The following EML6 variants were observed in gnomAD, a reference collection of about 807,000 sequenced individuals.
EML6 encodes the protein echinoderm microtubule-associated protein-like 6.
EML6 carries 154 observed loss-of-function variants against 240.1 expected under a neutral mutation model. That is an observed-to-expected ratio of 0.64 (90% CI 0.56 to 0.73). The LOEUF (loss-of-function observed/expected upper bound fraction) is 0.73, where lower values mean the gene tolerates loss of function less well. EML6 is among the 30% of genes least tolerant of loss of function. EML6 has a pLI of 0.00. For missense variants in EML6, 2,964 were observed against 2,474.6 expected, an observed-to-expected ratio of 1.20 and a Z score of -4.20; for synonymous variants, 1,148 against 899.0, an observed-to-expected ratio of 1.28 and a Z score of -4.95.
chr2:54,913,250 T>A (rs991231055), intron 25 of EML6, among the ~76,000 whole-genome samples: 2 of 151,878 alleles, frequency 1.3e-5, no homozygotes, highest in Admixed American at 1.3e-4. Flanking sequence ...CCACTTTTTT[T>A]TTTTTTAAGA....
intron 2 of EML6, among the ~76,000 whole-genome samples, chr2:54,776,523 A>G (rs2032275421): frequency 6.6e-6 from 1 of 152,028 alleles, no homozygotes; most frequent in Admixed American, 6.5e-5. Context: ...ATTTTCTAAT[A>G]TTGCTTATTT....
intron 25 of EML6, among the ~76,000 whole-genome samples, chr2:54,915,926 C>G (rs145810364): frequency 6.6e-5 from 10 of 152,186 alleles, no homozygotes; most frequent in African/African-American, 2.2e-4. Context: ...TCCCAGAAAG[C>G]CATAATGTTG....
At chr2:54,750,339 G>A (rs921134754) in intron 2 of EML6, among the ~76,000 whole-genome samples, 57 of 152,284 alleles carry the variant, frequency 3.7e-4, no homozygotes, top group African/African-American at 1.3e-3. Flanking sequence ...CCAGTCTACA[G>A]CATTAGGTTG....
chr2:54,837,118 C>G (rs1255222484), intron 7 of EML6, among the ~76,000 whole-genome samples: 1 of 152,110 alleles, frequency 6.6e-6, no homozygotes, highest in Non-Finnish European at 1.5e-5. Flanking sequence ...CTTTTAACCT[C>G]TTGCACTCAA....
intron 17 of EML6, chr2:54,882,873 A>AAAAAAAAAAAAAAAAAAAAAAAAAAAGAG (rs796515025): frequency 1.8e-5 from 2 of 112,354 alleles, no homozygotes; most frequent in Non-Finnish European, 3.8e-5. Flanking sequence ...AAAAAAAAAA[A>AAAAAAAAAAAAAAAAAAAAAAAAAAAGAG]AGAAAGCTTA....
In EML6 at chr2:54,957,940, T is replaced by A. The variant is rs1413361601; in HGVS notation, c.4637T>A (p.Val1546Asp). The change falls in exon 33 of 42, where the codon GTC becomes GAC. Residue 1546 changes from valine to aspartate, a missense_variant. Val to Asp is a radical substitution (Grantham distance 152). Coordinates refer to ENST00000356458, the MANE Select transcript of EML6 (RefSeq NM_001039753.4). ...AGCGCCTTGCTTTACAAGAAAGGGG[T>A]CATCGGGTCCCTGGGAGCTGCCAAA... Reference protein sequence around the residue: ...AGSALLYKKGVIGSLGAAKMQ... With the variant: ...AGSALLYKKGDIGSLGAAKMQ... 1.2e-5 allele frequency: 19 copies of A among 1,551,452 alleles called. No homozygotes were observed. The highest frequency in any genetic ancestry group is 1.7e-5 in the Non-Finnish European group (19 of 1,146,972).
chr2:54,906,666 A>G (rs1673343983), intron 24 of EML6, among the ~76,000 whole-genome samples: 2 of 152,128 alleles, frequency 1.3e-5, no homozygotes, highest in Admixed American at 6.5e-5. Flanking sequence ...GACACTTCTG[A>G]TTTTTAGGGA....
At chr2:54,919,202 A>G (rs1269574139) in intron 26 of EML6, among the ~76,000 whole-genome samples, 1 of 146,644 alleles carries the variant, frequency 6.8e-6, no homozygotes, top group African/African-American at 2.6e-5. Flanking sequence ...ATGTGAAGCC[A>G]CCTGATTGAG....
At chr2:54,921,375 C>G (rs902953337) in intron 26 of EML6, among the ~76,000 whole-genome samples, 2 of 151,836 alleles carry the variant, frequency 1.3e-5, no homozygotes, top group African/African-American at 4.8e-5. Context: ...GCCAAGGAGG[C>G]GAAAGAACTG....
Position 54,774,488 on chromosome 2 carries a change from T to G in EML6, c.198-38744T>G, listed in dbSNP as rs1668517988. On this transcript the variant is annotated intron_variant, in intron 2 of 41. Coordinates refer to ENST00000356458, the MANE Select transcript of EML6 (RefSeq NM_001039753.4). This position sits in a 1 kb window ranked among gnomAD's most constrained non-coding sequence, Gnocchi z 4.1. ...CAACAGCACTACCAGCAACATATCC[T>G]TCATGGAAGGGGGTTCTGGATGGTT... 6.6e-6 allele frequency among the ~76,000 whole-genome samples: 1 copy of G among 152,170 alleles called. No individual in the cohort carries two copies.
chr2:54,800,238 T>A (rs1317214758), intron 2 of EML6, among the ~76,000 whole-genome samples: 3 of 152,196 alleles, frequency 2.0e-5, no homozygotes, highest in African/African-American at 7.2e-5. Context: ...ATGCAACCAT[T>A]TGATTTCTTA....
At position 54,774,940 on chromosome 2, in the gene EML6, C is replaced by T. The variant is rs1309321612; in HGVS notation, c.198-38292C>T. Among the ~76,000 whole-genome samples, 1 of 152,184 alleles carries T rather than the reference C, an allele frequency of 6.6e-6. No homozygotes were observed. Among genetic ancestry groups the T allele is most frequent in the Non-Finnish European group, 1.5e-5 (1 of 68,042 alleles). On this transcript the variant is annotated intron_variant, in intron 2 of 41. Transcript: ENST00000356458. This position sits in a 1 kb window ranked among gnomAD's most constrained non-coding sequence, Gnocchi z 4.1. ...AACATGTAAAATTCTGTATTGTTGA[C>T]ATTCATTACTTTTGTTAACAAATGT...
At chr2:54,756,922 A>T (rs1667758729) in intron 2 of EML6, among the ~76,000 whole-genome samples, 1 of 150,486 alleles carries the variant, frequency 6.6e-6, no homozygotes. Flanking sequence ...TAGTTTTGAG[A>T]CCTCCTGGAT....
At chr2:54,808,820 A>T (rs1670636969) in intron 2 of EML6, among the ~76,000 whole-genome samples, 1 of 152,154 alleles carries the variant, frequency 6.6e-6, no homozygotes, top group African/African-American at 2.4e-5. Context: ...ATCTTATCTG[A>T]CATCAGGAAG....
chr2:54,910,430 A>T (rs1673578403), intron 24 of EML6, among the ~76,000 whole-genome samples: 1 of 152,240 alleles, frequency 6.6e-6, no homozygotes, highest in African/African-American at 2.4e-5. Flanking sequence ...TCAAATGTTC[A>T]AGTAAGACCA....
Position 54,966,937 on chromosome 2 carries a change from C to T in EML6, c.5494-63C>T, listed in dbSNP as rs1043221727. On this transcript the variant is annotated intron_variant, in intron 38 of 41. Transcript: ENST00000356458. Reference sequence around the variant, plus strand: ...TGGGCAGTGTTCTGGGAAACTGTGCCCAAAGGGAGTCTGTGGGACTGAGAA... The same window carrying T: ...TGGGCAGTGTTCTGGGAAACTGTGCTCAAAGGGAGTCTGTGGGACTGAGAA... The T allele has an allele frequency of 9.1e-6, 10 of 1,100,294 alleles. No homozygotes were observed. The African/African-American group carries it at 1.6e-4, about 17-fold the overall frequency. The allele number at this position is 1,100,294 out of a possible 1,614,324, so 68.2% of individuals were successfully genotyped here.
At chr2:54,832,100 AT>A (rs1668901043) in intron 7 of EML6, among the ~76,000 whole-genome samples, 1 of 152,210 alleles carries the variant, frequency 6.6e-6, no homozygotes, top group Non-Finnish European at 1.5e-5. Context: ...ATCATCAAGC[AT>A]CAAAAGAGAT....
At position 54,723,719 on chromosome 2, in the gene EML6, T is replaced by TTCGC. The variant is rs1191670359; in HGVS notation, c.-563_-560dup. ...GGGGAGGGGAGGGCAGGCAGAGGATTTCGCTCGCTCGCCCGCGCGGGATCC... is the reference window on the plus strand; with the variant it reads ...GGGGAGGGGAGGGCAGGCAGAGGATTTCGCTCGCTCGCTCGCCCGCGCGGGATCC... On this transcript the variant is annotated 5_prime_UTR_variant, in exon 1 of 42. Transcript: ENST00000356458. 1 of 152,084 alleles carries TTCGC rather than the reference T, an allele frequency of 6.6e-6. No individual in the cohort carries two copies. The highest frequency in any genetic ancestry group is 2.4e-5 in the African/African-American group (1 of 41,368). 9.4% of individuals were successfully genotyped at this position (152,084 alleles called of 1,614,324 possible). A position where few individuals can be genotyped will look rare whatever the true frequency, so the allele number is the denominator to read the frequency against.
At chr2:54,866,070 A>G (rs1446252799) in intron 13 of EML6, among the ~76,000 whole-genome samples, 1 of 152,212 alleles carries the variant, frequency 6.6e-6, no homozygotes, top group Non-Finnish European at 1.5e-5. Flanking sequence ...TTTACAAATG[A>G]TTTTTGATCA....
Sources: allele counts gnomAD v4.1 joint callset (sites outside exome capture counted in the v4.1 genomes callset), GRCh38; gene constraint gnomAD v4.1.1; non-coding constraint Gnocchi (gnomAD v3.1); transcripts MANE v1.5; gene names NCBI Gene and HGNC (gene_info 2026-07-23, HGNC 2026-07-21).